The following HYCC1 variants were observed in gnomAD, a reference collection of about 807,000 sequenced individuals.
The protein encoded by HYCC1 is hyccin PI4KA lipid kinase complex subunit 1.
the HYCC1 span, among the ~76,000 whole-genome samples, chr7:22,965,749 C>T: frequency 6.6e-6 from 1 of 152,014 alleles, no homozygotes; most frequent in Non-Finnish European, 1.5e-5. Context: ...ATCTCAACCT[C>T]CCCAGTACAG....
At chr7:22,934,280 A>G in the HYCC1 span, 27 of 148,966 alleles carry the variant, frequency 1.8e-4, no homozygotes, top group African/African-American at 6.7e-4. Context: ...CAAGAGGAAA[A>G]CAAGGAAAGT....
chr7:22,909,226 G>C, the HYCC1 span, among the ~76,000 whole-genome samples: 1 of 152,162 alleles, frequency 6.6e-6, no homozygotes. Context: ...CTCCTCATGA[G>C]AGCAAGTGAG....
the HYCC1 span, among the ~76,000 whole-genome samples, chr7:22,913,212 CT>C: frequency 6.6e-6 from 1 of 152,204 alleles, no homozygotes. Flanking sequence ...AAAACTACCC[CT>C]GCCTAAGTTT....
chr7:23,012,725 G>C, the HYCC1 span, among the ~76,000 whole-genome samples: 1 of 152,198 alleles, frequency 6.6e-6, no homozygotes. Context: ...TGTCGGGGGA[G>C]GTGGGGTGCC....
the HYCC1 span, among the ~76,000 whole-genome samples, chr7:22,953,076 T>C: frequency 0.016 from 2,400 of 152,070 alleles, 66 homozygotes; most frequent in African/African-American, 0.055. Flanking sequence ...ATTCTCCTTA[T>C]TGAGGTGGAT....
the HYCC1 span, among the ~76,000 whole-genome samples, chr7:23,011,539 T>C: frequency 6.6e-6 from 1 of 152,210 alleles, no homozygotes. Flanking sequence ...ACAGTAAAGG[T>C]CTAAAATACA....
the HYCC1 span, among the ~76,000 whole-genome samples, chr7:22,896,344 T>C: frequency 0.63 from 95,789 of 152,042 alleles, 30,376 homozygotes; most frequent in Non-Finnish European, 0.67. Flanking sequence ...CTGGCTACCC[T>C]GGAGGCATTA....
At chr7:22,946,040 C>G in the HYCC1 span, 1 of 1,613,688 alleles carries the variant, frequency 6.2e-7, no homozygotes, top group South Asian at 1.1e-5. Context: ...TGGCTTGTTA[C>G]TACAATTGTG....
chr7:23,001,448 T>C, the HYCC1 span, among the ~76,000 whole-genome samples: 4 of 152,304 alleles, frequency 2.6e-5, no homozygotes, highest in African/African-American at 9.6e-5. Context: ...CCTTGTCTCA[T>C]AAATAATTTA....
At chr7:23,011,394 A>T in the HYCC1 span, among the ~76,000 whole-genome samples, 7 of 152,200 alleles carry the variant, frequency 4.6e-5, no homozygotes, top group African/African-American at 2.4e-5. Flanking sequence ...TAGCCAAAAC[A>T]GAATTTATCA....
the HYCC1 span, among the ~76,000 whole-genome samples, chr7:22,999,525 G>A: frequency 1.3e-4 from 20 of 152,250 alleles, no homozygotes; most frequent in African/African-American, 4.6e-4. Flanking sequence ...ATGGTGATTA[G>A]AAATGCTTTC....
chr7:22,946,229 A>AG, the HYCC1 span: 1 of 1,272,294 alleles, frequency 7.9e-7, no homozygotes, highest in East Asian at 2.5e-5. Context: ...TAAATGATTA[A>AG]CACCAAATCA....
At chr7:22,899,134 T>C in the HYCC1 span, among the ~76,000 whole-genome samples, 1 of 152,168 alleles carries the variant, frequency 6.6e-6, no homozygotes, top group Admixed American at 6.5e-5. Context: ...GAGGGGCATT[T>C]CTGAATGTCA....
At chr7:22,940,946 A>C in the HYCC1 span, 4 of 152,010 alleles carry the variant, frequency 2.6e-5, no homozygotes, top group East Asian at 7.7e-4. Context: ...AAAGATTCTA[A>C]AGTTAGAAGG....
the HYCC1 span, among the ~76,000 whole-genome samples, chr7:22,907,711 A>G: frequency 6.6e-6 from 1 of 152,048 alleles, no homozygotes; most frequent in African/African-American, 2.4e-5. Flanking sequence ...GGAGTTTGAG[A>G]CCAGCCTGGC....
At chr7:22,949,398 T>TA in the HYCC1 span, among the ~76,000 whole-genome samples, 13 of 152,182 alleles carry the variant, frequency 8.5e-5, no homozygotes, top group Non-Finnish European at 1.3e-4. Context: ...ATACTAACTC[T>TA]AACTCTTCAT....
chr7:22,998,427 TATTGAC>T, the HYCC1 span, among the ~76,000 whole-genome samples: 2 of 152,166 alleles, frequency 1.3e-5, no homozygotes, highest in African/African-American at 4.8e-5. Context: ...GAGCACTTCT[TATTGAC>T]ATTAACATAG....
the HYCC1 span, among the ~76,000 whole-genome samples, chr7:22,969,815 C>T: frequency 6.6e-6 from 1 of 152,070 alleles, no homozygotes; most frequent in Admixed American, 6.6e-5. Flanking sequence ...TGAGCCACCG[C>T]ATCTGGCCCC....
chr7:23,002,472 A>G, the HYCC1 span, among the ~76,000 whole-genome samples: 1 of 152,106 alleles, frequency 6.6e-6, no homozygotes, highest in African/African-American at 2.4e-5. Context: ...TAGGAACACA[A>G]ATACCCTGTA....
Sources: gnomAD v4.1 joint callset for allele counts (sites outside exome capture counted in the v4.1 genomes callset) on GRCh38, gnomAD v4.1.1 for gene constraint, MANE v1.5 for transcripts, NCBI Gene and HGNC (gene_info 2026-07-23, HGNC 2026-07-21) for gene names.